OGDH: variants seen among roughly 807,000 people sequenced by gnomAD.
The protein encoded by OGDH is oxoglutarate dehydrogenase.
A neutral mutation model predicts 116.6 loss-of-function variants in OGDH; 38 were observed. The ratio of observed to expected loss-of-function variants is 0.33; its 90% CI spans 0.25 to 0.43. OGDH has a LOEUF of 0.43. OGDH is among the 20% of genes least tolerant of loss of function. The probability of loss-of-function intolerance (pLI) is 1.00; values close to 1 mark genes in which losing one functional copy is unlikely to be tolerated. For missense variants in OGDH, 825 were observed against 1,357.2 expected (o/e 0.61, Z 6.16); for synonymous variants, 488 against 533.3 (o/e 0.92, Z 1.17).
chr7:44,651,275 G>T (rs1161183756), intron 4 of OGDH, among the ~76,000 whole-genome samples: 3 of 152,146 alleles, frequency 2.0e-5, no homozygotes, highest in Non-Finnish European at 1.5e-5. Flanking sequence ...GACCTTTTAT[G>T]ACCATTTTTG....
chr7:44,633,463 G>A lies in OGDH; in HGVS notation c.222+8898G>A, dbSNP rs76133654. 3.1e-3 allele frequency among the ~76,000 whole-genome samples: 471 copies of A among 152,220 alleles called. 3 individuals carry two copies. Among genetic ancestry groups the A allele is most frequent in the African/African-American group, 0.01 (423 of 41,546 alleles). On this transcript the variant is annotated intron_variant, in intron 2 of 22. Coordinates refer to ENST00000222673, the MANE Select transcript of OGDH (RefSeq NM_002541.4). ...GGTGGCGGTGAGAAATTACTAAAAG[G>A]TTAGTGCCGGTTTTTTAGATGAAGT...
chr7:44,616,734 T>A, intron 1 of OGDH, among the ~76,000 whole-genome samples: 1 of 140,150 alleles, frequency 7.1e-6, no homozygotes. Flanking sequence ...TACACATATA[T>A]ACGTATATAA....
At chr7:44,679,682 A>G (rs1022868917) in intron 9 of OGDH, among the ~76,000 whole-genome samples, 14 of 152,204 alleles carry the variant, frequency 9.2e-5, no homozygotes, top group African/African-American at 2.9e-4. Flanking sequence ...TTGTAAAGAT[A>G]AGATTAACGT....
chr7:44,688,059 T>G (rs1298599955), intron 10 of OGDH, among the ~76,000 whole-genome samples: 1 of 152,164 alleles, frequency 6.6e-6, no homozygotes, highest in Non-Finnish European at 1.5e-5. Flanking sequence ...TTGTTTCTAC[T>G]TTTGGGCTAT....
intron 1 of OGDH, among the ~76,000 whole-genome samples, chr7:44,609,227 C>T (rs1784469322): frequency 6.6e-6 from 1 of 151,430 alleles, no homozygotes; most frequent in East Asian, 1.9e-4. Flanking sequence ...ATTCCTTGGC[C>T]AGGCGCAGTG....
At chr7:44,627,096 A>C (rs2117310147) in intron 2 of OGDH, among the ~76,000 whole-genome samples, 1 of 152,328 alleles carries the variant, frequency 6.6e-6, no homozygotes, top group African/African-American at 2.4e-5. Flanking sequence ...TCCGAGGCTC[A>C]AGCGATTCTC....
chr7:44,632,444 A>G (rs1186510230), intron 2 of OGDH, among the ~76,000 whole-genome samples: 1 of 152,204 alleles, frequency 6.6e-6, no homozygotes, highest in Non-Finnish European at 1.5e-5. Flanking sequence ...CTGGGAGTAC[A>G]GGTGCACACC....
rs767935093 is a variant in OGDH at position 44,693,855 on chromosome 7, C to T, written c.1366C>T (p.Arg456Cys). The change falls in exon 11 of 23, where the codon CGC becomes TGC. Residue 456 changes from arginine to cysteine, a missense_variant. Transcript: ENST00000222673. The stretch of plus-strand genomic sequence containing the variant: ...CTTCACCACCGACCCTCGGATGGCC[C>T]GCTCCTCCCCCTACCCCACTGACGT... ...IGFTTDPRMA[R>C]SSPYPTDVAR... is the part of the protein sequence containing the mutation. 1.2e-6 allele frequency: 2 copies of T among 1,605,786 alleles called. No homozygotes were observed. The highest frequency in any genetic ancestry group is 1.7e-6 in the Non-Finnish European group (2 of 1,173,956).
chr7:44,633,568 G>A (rs1429693398), intron 2 of OGDH, among the ~76,000 whole-genome samples: 1 of 152,158 alleles, frequency 6.6e-6, no homozygotes, highest in Non-Finnish European at 1.5e-5. Flanking sequence ...GACTCCCTTG[G>A]AGGGAGGTTT....
intron 1 of OGDH, among the ~76,000 whole-genome samples, chr7:44,616,847 GTA>G (rs1196980476): frequency 2.5e-5 from 3 of 122,168 alleles, no homozygotes; most frequent in Non-Finnish European, 5.0e-5. Context: ...ACATATACGT[GTA>G]TATATATACA....
At chr7:44,623,925 T>G (rs757513999) in intron 1 of OGDH, among the ~76,000 whole-genome samples, 1 of 152,200 alleles carries the variant, frequency 6.6e-6, no homozygotes, top group Non-Finnish European at 1.5e-5. Flanking sequence ...ATTACAGGTG[T>G]GAGCCACCGA....
rs1789114110 is a variant in OGDH, at chr7:44,707,146, C to G, written c.2633-79C>G. On this transcript the variant is annotated intron_variant, in intron 20 of 22. Transcript: ENST00000222673. The surrounding 1 kb of genome is among the most constrained non-coding windows in gnomAD (Gnocchi z 5.2). ...AAGCTGCGTCTCCTGGCAGCAGTCC[C>G]TGGCACAGCCCTGGGCCCAGGAGAG... is the stretch of plus-strand genomic sequence containing the variant. 1 of 1,497,868 alleles carries G rather than the reference C, an allele frequency of 6.7e-7. No homozygotes were observed. The allele number at this position is 1,497,868 out of a possible 1,614,324, so 92.8% of individuals were successfully genotyped here.
At position 44,697,517 on chromosome 7, in the gene OGDH, C is replaced by T. The variant is rs773162734; in HGVS notation, c.2179+20C>T. On this transcript the variant is annotated intron_variant, in intron 16 of 22. Transcript: ENST00000222673. This position sits in a 1 kb window ranked among gnomAD's most constrained non-coding sequence, Gnocchi z 6.0. Reference sequence around the variant, plus strand: ...TGCTGGGTGAGTGCCTGGAGCCACACCACCAGGGCCTGTCACCCACCCACC... The same window carrying T: ...TGCTGGGTGAGTGCCTGGAGCCACATCACCAGGGCCTGTCACCCACCCACC... 3.1e-6 allele frequency: 5 copies of T among 1,613,426 alleles called. No individual in the cohort carries two copies. The highest frequency in any genetic ancestry group is 2.7e-5 in the African/African-American group (2 of 74,914).
chr7:44,608,046 T>G (rs1256919635), intron 1 of OGDH, among the ~76,000 whole-genome samples: 1 of 152,150 alleles, frequency 6.6e-6, no homozygotes, highest in Admixed American at 6.5e-5. Flanking sequence ...CAGTTACTTT[T>G]TCCCTTTAAA....
intron 1 of OGDH, among the ~76,000 whole-genome samples, chr7:44,611,244 G>A (rs1284015471): frequency 1.3e-5 from 2 of 150,994 alleles, no homozygotes; most frequent in African/African-American, 4.9e-5. Context: ...CACCATGCCT[G>A]GCTAATTTTT....
At chr7:44,673,971 G>A (rs201170868) in intron 6 of OGDH, 30 bp downstream of exon 6, 4 of 1,613,354 alleles carry the variant, frequency 2.5e-6, no homozygotes, top group Non-Finnish European at 3.4e-6. Flanking sequence ...CCATGGGGCA[G>A]ACATTCCCAG....
At chr7:44,641,424 C>T (rs1211781283) in intron 2 of OGDH, among the ~76,000 whole-genome samples, 1 of 151,842 alleles carries the variant, frequency 6.6e-6, no homozygotes, top group Non-Finnish European at 1.5e-5. Context: ...CGGGGTTTCA[C>T]TATGTTGGCC....
At chr7:44,611,702 C>T (rs886723492) in intron 1 of OGDH, among the ~76,000 whole-genome samples, 4 of 152,072 alleles carry the variant, frequency 2.6e-5, no homozygotes, top group Middle Eastern at 3.4e-3. Context: ...TGAGCCACTG[C>T]GCCTGGCCAC....
intron 20 of OGDH, among the ~76,000 whole-genome samples, chr7:44,703,968 G>A (rs886274634): frequency 7.2e-5 from 11 of 152,064 alleles, no homozygotes; most frequent in Non-Finnish European, 2.9e-5. Context: ...ATGGACACTT[G>A]GGTTGCTTCC....
Sources: allele counts gnomAD v4.1 joint callset (sites outside exome capture counted in the v4.1 genomes callset), GRCh38; gene constraint gnomAD v4.1.1; non-coding constraint Gnocchi (gnomAD v3.1); transcripts MANE v1.5; gene names NCBI Gene and HGNC (gene_info 2026-07-23, HGNC 2026-07-21).